The following MBNL1 variants were observed in gnomAD, a reference collection of about 807,000 sequenced individuals.
The protein encoded by MBNL1 is muscleblind like splicing regulator 1, also known as muscleblind-like protein 1.
MBNL1 carries 8 observed loss-of-function variants against 42.2 expected under a neutral mutation model. That is an observed-to-expected ratio of 0.19 (90% CI 0.11 to 0.34). The LOEUF is 0.34. Ranked by LOEUF, MBNL1 falls within the 10% of genes least tolerant of loss-of-function variation. MBNL1 has a pLI of 1.00. For synonymous variants in MBNL1, 169 were observed against 173.9 expected (o/e 0.97, Z 0.22); for missense variants, 309 against 495.3 (o/e 0.62, Z 3.57).
chr3:152,421,596 G>A (rs6772552), intron 3 of MBNL1, among the ~76,000 whole-genome samples: 51,598 of 151,916 alleles, frequency 0.34, 9,024 homozygotes, highest in Middle Eastern at 0.41. Flanking sequence ...TACAGAGAAC[G>A]ACACAAATAT....
chr3:152,386,888 C>T (rs1399906483), intron 2 of MBNL1, among the ~76,000 whole-genome samples: 3 of 152,110 alleles, frequency 2.0e-5, no homozygotes, highest in Non-Finnish European at 4.4e-5. Context: ...TTGTTAGAAA[C>T]ATAGTTTGCA....
At chr3:152,254,155 T>C (rs2035101056) in intron 2 of MBNL1, among the ~76,000 whole-genome samples, 1 of 152,180 alleles carries the variant, frequency 6.6e-6, no homozygotes, top group South Asian at 2.1e-4. Flanking sequence ...GGGCCAGTAC[T>C]CTAAACTGCC....
chr3:152,441,311 A>G (rs1344712884), intron 4 of MBNL1, among the ~76,000 whole-genome samples: 3 of 152,224 alleles, frequency 2.0e-5, no homozygotes, highest in South Asian at 2.1e-4. Flanking sequence ...TTCATGTATT[A>G]AAAAATTAGA....
intron 3 of MBNL1, among the ~76,000 whole-genome samples, chr3:152,417,654 A>G (rs1437397219): frequency 6.6e-6 from 1 of 152,142 alleles, no homozygotes; most frequent in African/African-American, 2.4e-5. Context: ...GCAGAGATCA[A>G]TAATTACTTG....
intron 2 of MBNL1, among the ~76,000 whole-genome samples, chr3:152,336,156 C>T (rs2089980275): frequency 7.4e-6 from 1 of 134,752 alleles, no homozygotes; most frequent in Non-Finnish European, 1.8e-5. Context: ...TTAATAACAA[C>T]ATAATTTTTA....
At chr3:152,287,305 C>G (rs2053125374) in intron 1 of MBNL1, among the ~76,000 whole-genome samples, 1 of 151,810 alleles carries the variant, frequency 6.6e-6, no homozygotes, top group African/African-American at 2.4e-5. Context: ...ATAATCATAA[C>G]AGAGCTTTTT....
intron 5 of MBNL1, 112 bp downstream of exon 5, chr3:152,445,651 A>G: frequency 2.5e-6 from 3 of 1,191,786 alleles, no homozygotes; most frequent in Non-Finnish European, 3.5e-6. Flanking sequence ...ATTGCTGAAG[A>G]TATGTTTGTT....
chr3:152,412,976 A>C (rs1369213904), intron 2 of MBNL1, among the ~76,000 whole-genome samples: 1 of 152,124 alleles, frequency 6.6e-6, no homozygotes, highest in African/African-American at 2.4e-5. Context: ...GTTGCAGCCA[A>C]ATTATTCTTT....
intron 2 of MBNL1, among the ~76,000 whole-genome samples, chr3:152,247,734 T>C (rs1459523519): frequency 6.6e-6 from 1 of 152,032 alleles, no homozygotes; most frequent in African/African-American, 2.4e-5. Flanking sequence ...CCAGTTTTAT[T>C]TTTATCTTTA....
intron 7 of MBNL1, among the ~76,000 whole-genome samples, chr3:152,455,961 A>G (rs1580836576): frequency 6.6e-6 from 1 of 152,342 alleles, no homozygotes; most frequent in African/African-American, 2.4e-5. Flanking sequence ...ATGTCTGACT[A>G]TGAACACTAT....
intron 1 of MBNL1, among the ~76,000 whole-genome samples, chr3:152,272,093 A>G (rs2042284896): frequency 6.6e-6 from 1 of 151,240 alleles, no homozygotes; most frequent in Admixed American, 6.6e-5. Context: ...AGAAAATATA[A>G]CAAATGTGGC....
intron 2 of MBNL1, among the ~76,000 whole-genome samples, chr3:152,308,698 C>T (rs903923736): frequency 1.3e-5 from 2 of 152,166 alleles, no homozygotes; most frequent in African/African-American, 4.8e-5. Context: ...AGCTTCTCCC[C>T]ATTCTTCCCC....
At chr3:152,310,439 T>G (rs2065698686) in intron 2 of MBNL1, among the ~76,000 whole-genome samples, 1 of 152,234 alleles carries the variant, frequency 6.6e-6, no homozygotes, top group African/African-American at 2.4e-5. Context: ...GTCTTTATGC[T>G]AAGTTTAACT....
intron 2 of MBNL1, among the ~76,000 whole-genome samples, chr3:152,257,046 T>C (rs1471581117): frequency 6.6e-6 from 1 of 152,138 alleles, no homozygotes; most frequent in Non-Finnish European, 1.5e-5. Flanking sequence ...ATGACTTATG[T>C]GCTATTTAAG....
At position 152,333,015 on chromosome 3, in the gene MBNL1, A is replaced by G. The variant is rs77845303; in HGVS notation, c.174+32648A>G. On this transcript the variant is annotated intron_variant, in intron 2 of 9. Coordinates refer to ENST00000324210, the MANE Select transcript of MBNL1 (RefSeq NM_021038.5). The stretch of plus-strand genomic sequence containing the variant: ...ATAATCAAGGCCGTACCTTCCTCCA[A>G]TGTTGGTTTCAGCCCACACCTTACA... 3.0e-3 allele frequency among the ~76,000 whole-genome samples: 462 copies of G among 152,176 alleles called. 1 individual carries two copies. The highest frequency in any genetic ancestry group is 5.2e-3 in the Non-Finnish European group (356 of 67,964).
rs115172105 is a variant in MBNL1 at position 152,400,030 on chromosome 3, T to C, written c.175-14911T>C. On this transcript the variant is annotated intron_variant, in intron 2 of 9. Coordinates refer to ENST00000324210, the MANE Select transcript of MBNL1 (RefSeq NM_021038.5). ...ACTTCCTAACTTCATAGCTTAACAT[T>C]GTCGGGACCTTACATGAGATATTTA... Among the ~76,000 whole-genome samples, 956 of 152,306 alleles carry C rather than the reference T, an allele frequency of 6.3e-3. 8 individuals carry two copies. Among genetic ancestry groups the C allele is most frequent in the African/African-American group, 0.022 (918 of 41,552 alleles).
intron 2 of MBNL1, among the ~76,000 whole-genome samples, chr3:152,390,351 T>G (rs2097656695): frequency 6.6e-6 from 1 of 151,882 alleles, no homozygotes; most frequent in Admixed American, 6.6e-5. Flanking sequence ...TTAATATCAA[T>G]GTCTTCTTCA....
chr3:152,398,524 A>G (rs1032807517), intron 2 of MBNL1, among the ~76,000 whole-genome samples: 4 of 152,316 alleles, frequency 2.6e-5, no homozygotes, highest in East Asian at 1.9e-4. Flanking sequence ...GTGTGTTAGT[A>G]TGCATTAGAA....
Position 152,276,220 on chromosome 3 carries a change from G to A in MBNL1, c.-790+7128G>A, listed in dbSNP as rs2045102101. Among the ~76,000 whole-genome samples the A allele has an allele frequency of 2.0e-5, 3 of 152,004 alleles. 1 individual carries two copies. Among genetic ancestry groups the A allele is most frequent in the South Asian group, 4.1e-4 (2 of 4,824 alleles). On this transcript the variant is annotated intron_variant, in intron 1 of 9. Transcript: ENST00000324210. ...CCACTGATTATATATAAAGAATAGCGATGAGAATATAGCTGTAATTATGAT... is the reference window on the plus strand; with the variant it reads ...CCACTGATTATATATAAAGAATAGCAATGAGAATATAGCTGTAATTATGAT...
Sources: gnomAD v4.1 joint callset for allele counts (sites outside exome capture counted in the v4.1 genomes callset) on GRCh38, gnomAD v4.1.1 for gene constraint, MANE v1.5 for transcripts, NCBI Gene and HGNC (gene_info 2026-07-23, HGNC 2026-07-21) for gene names.